GSDMB: variants seen among roughly 807,000 people sequenced by gnomAD.
GSDMB encodes the protein gasdermin B, also known as gasdermin-B.
GSDMB carries 32 observed loss-of-function variants against 42.9 expected under a neutral mutation model. The observed-to-expected ratio is 0.75, with a 90% confidence interval of 0.56 to 1.00. The LOEUF is 1.00. Ranked by LOEUF, GSDMB falls within the 50% of genes least tolerant of loss-of-function variation. GSDMB has a pLI of 0.00. For synonymous variants in GSDMB, 175 were observed against 193.7 expected (o/e 0.90, Z 0.80); for missense variants, 468 against 498.5 (o/e 0.94, Z 0.58).
chr17:39,912,348 A>G lies in GSDMB; in HGVS notation c.385T>C (p.Tyr129His). The G allele has an allele frequency of 6.2e-7, 1 of 1,613,940 alleles. No homozygotes were observed. Among genetic ancestry groups the G allele is most frequent in the African/African-American group, 1.3e-5 (1 of 74,998 alleles). The change falls in exon 3 of 11, where the codon TAT becomes CAT. Residue 129 changes from tyrosine (Y) to histidine (H), a missense_variant. Physicochemically the swap from Tyr to His is moderately conservative, Grantham distance 83. Coordinates refer to ENST00000418519, the MANE Select transcript of GSDMB (RefSeq NM_001165958.2). Reference protein sequence around the residue: ...KISENRISQQYLATLENRKLK... With the variant: ...KISENRISQQHLATLENRKLK... ...CACCTGTTTTCAAGGGTAGCCAGAT[A>G]CTGCTGGGATATCCGGTTCTCCGAT...
intron 1 of GSDMB, 45 bp from the exon 2 acceptor site, chr17:39,917,375 G>T: frequency 8.8e-7 from 1 of 1,130,718 alleles, no homozygotes; most frequent in Non-Finnish European, 1.3e-6. Flanking sequence ...GAGGGTATTG[G>T]TTCAAGTATT....
At position 39,912,357 on chromosome 17, in the gene GSDMB, A is replaced by G. The variant is rs754984071; in HGVS notation, c.376T>C (p.Ser126Pro). ...QKIKISENRI[S>P]QQYLATLENR... Reference sequence around the variant, plus strand: ...TCAAGGGTAGCCAGATACTGCTGGGATATCCGGTTCTCCGATATCTTGATT... The same window carrying G: ...TCAAGGGTAGCCAGATACTGCTGGGGTATCCGGTTCTCCGATATCTTGATT... The change falls in exon 3 of 11, where the codon TCC (serine) becomes CCC (proline). Residue 126 changes from serine to proline, a missense_variant. Coordinates refer to ENST00000418519, the MANE Select transcript of GSDMB (RefSeq NM_001165958.2). The G allele has an allele frequency of 1.9e-6, 3 of 1,614,044 alleles. No homozygotes were observed. The highest frequency in any genetic ancestry group is 2.5e-6 in the Non-Finnish European group (3 of 1,179,986).
chr17:39,905,733 C>T (rs894272198), intron 9 of GSDMB, 114 bp downstream of exon 9: 8 of 1,188,468 alleles, frequency 6.7e-6, no homozygotes, highest in East Asian at 4.7e-5. Flanking sequence ...TGAAGGAGTG[C>T]CCCCCATAAA....
chr17:39,904,769 A>G lies in GSDMB; in HGVS notation c.*43T>C. The G allele has an allele frequency of 6.3e-7, 1 of 1,586,480 alleles. No individual in the cohort carries two copies. Among genetic ancestry groups the G allele is most frequent in the Non-Finnish European group, 8.6e-7 (1 of 1,158,510 alleles). On this transcript the variant is annotated 3_prime_UTR_variant, in exon 11 of 11. Coordinates refer to ENST00000418519, the MANE Select transcript of GSDMB (RefSeq NM_001165958.2). ...CGATGGCAGTGAGGACAGACTGGTA[A>G]AGGGAAAACCCAGAGGCTTGTGGGG...
intron 3 of GSDMB, among the ~76,000 whole-genome samples, chr17:39,911,041 C>T (rs906169131): frequency 3.3e-5 from 5 of 152,106 alleles, no homozygotes; most frequent in African/African-American, 9.7e-5. Flanking sequence ...GTGGCTCACA[C>T]CTGTAATCCC....
chr17:39,918,352 C>G (rs1325910346), intron 1 of GSDMB, 182 bp downstream of exon 1: 1 of 152,348 alleles, frequency 6.6e-6, no homozygotes, highest in Non-Finnish European at 1.5e-5. Context: ...CCCCATCCTA[C>G]CTTTGGCCAC....
At chr17:39,909,677 T>C (rs1459174082) in intron 4 of GSDMB, 79 bp downstream of exon 4, 86 of 1,291,946 alleles carry the variant, frequency 6.7e-5, no homozygotes, top group Non-Finnish European at 6.6e-6. Context: ...GAAGGAAGAG[T>C]CTAAGGCTGG....
At position 39,905,471 on chromosome 17, in the gene GSDMB, C is replaced by T. The variant is rs774161528; in HGVS notation, c.1053G>A (p.Val351=). The change falls in exon 10 of 11, where the codon GTG becomes GTA. Residue 351 remains valine, a synonymous_variant. Transcript: ENST00000418519. ...GGGTCCCCTTCTCCAGGGCCTCAGC[C>T]ACAAACTGCTGCTCTTCAGACAGCT... The part of the protein sequence containing the change: ...LLELSEEQQF[V]AEALEKGTLP... 5 of 1,610,130 alleles carry T rather than the reference C, an allele frequency of 3.1e-6. No homozygotes were observed. The highest frequency in any genetic ancestry group is 4.2e-6 in the Non-Finnish European group (5 of 1,178,328).
At chr17:39,909,079 G>T in intron 4 of GSDMB, 37 bp from the exon 5 acceptor site, 2 of 1,206,312 alleles carry the variant, frequency 1.7e-6, no homozygotes, top group Non-Finnish European at 2.4e-6. Context: ...ATCCCCAGGT[G>T]TTTCTACATC....
intron 6 of GSDMB, 27 bp from the exon 7 acceptor site, chr17:39,907,014 G>GA (rs759811868): frequency 8.7e-6 from 14 of 1,613,590 alleles, no homozygotes; most frequent in Non-Finnish European, 1.2e-5. Context: ...AGTTATTTCA[G>GA]AATCTTCAGA....
rs866308765 is a variant in GSDMB at position 39,905,966 on chromosome 17, G to A, written c.908C>T (p.Ser303Phe). Residue 303 changes from serine to phenylalanine, a missense_variant, in exon 9 of 11, where the codon TCC becomes TTC. Physicochemically the swap from Ser to Phe is radical, Grantham distance 155. Transcript: ENST00000418519. ...LEQRVSEVLI[S>F]GELHMEDPDK... ...TGGGTCCTCCATGTGTAGCTCCCCG[G>A]AAATCAGGACCTCAGATACCTAGGG... is the stretch of plus-strand genomic sequence containing the variant. 6.2e-7 allele frequency: 1 copy of A among 1,613,832 alleles called. No individual in the cohort carries two copies. Among genetic ancestry groups the A allele is most frequent in the Non-Finnish European group, 8.5e-7 (1 of 1,179,890 alleles).
chr17:39,905,707 T>C, intron 9 of GSDMB, 140 bp downstream of exon 9: 1 of 1,042,148 alleles, frequency 9.6e-7, no homozygotes, highest in Non-Finnish European at 1.4e-6. Flanking sequence ...CCTCAATGCC[T>C]GGCCTGAGGA....
intron 10 of GSDMB, 69 bp from the exon 11 acceptor site, chr17:39,905,033 C>A: frequency 7.5e-7 from 1 of 1,331,660 alleles, no homozygotes. Context: ...AATATTTGGC[C>A]ACACTCCTTG....
chr17:39,909,690 T>C, intron 4 of GSDMB, 66 bp downstream of exon 4: 3 of 1,399,892 alleles, frequency 2.1e-6, no homozygotes, highest in Non-Finnish European at 3.0e-6. Flanking sequence ...AAGGCTGGCA[T>C]CGCCTTGACC....
intron 2 of GSDMB, among the ~76,000 whole-genome samples, chr17:39,916,049 C>T (rs2063703473): frequency 6.6e-6 from 1 of 152,080 alleles, no homozygotes; most frequent in Non-Finnish European, 1.5e-5. Flanking sequence ...AACCCAAGTA[C>T]CCCAGGAATA....
In GSDMB at chr17:39,909,022, G is replaced by C; in HGVS notation, c.597C>G (p.Ile199Met). ...YKHKGQREVT[I>M]PPNRVLSYRV... ...GATAGCTCAGGACCCGATTTGGGGG[G>C]ATGGTCACTTCCCTTTGGCCCTAGA... is the stretch of plus-strand genomic sequence containing the variant. The change falls in exon 5 of 11, where the codon ATC (isoleucine) becomes ATG (methionine). Residue 199 changes from isoleucine (I) to methionine (M), a missense_variant. Coordinates refer to ENST00000418519, the MANE Select transcript of GSDMB (RefSeq NM_001165958.2). 6.2e-7 allele frequency: 1 copy of C among 1,600,786 alleles called. No individual in the cohort carries two copies. Among genetic ancestry groups the C allele is most frequent in the African/African-American group, 1.3e-5 (1 of 74,290 alleles).
chr17:39,907,060 G>A, intron 6 of GSDMB, 73 bp from the exon 7 acceptor site: 1 of 1,608,448 alleles, frequency 6.2e-7, no homozygotes, highest in Non-Finnish European at 8.5e-7. Flanking sequence ...TCTTCCCAGT[G>A]ATGGAAGTTT....
At chr17:39,907,198 T>G in intron 6 of GSDMB, 1 of 1,370,626 alleles carries the variant, frequency 7.3e-7, no homozygotes, top group South Asian at 1.7e-5. Flanking sequence ...GTCATAGGAC[T>G]GTGCCTAGAT....
chr17:39,909,146 T>A (rs781380583), intron 4 of GSDMB, 104 bp from the exon 5 acceptor site: 4 of 687,554 alleles, frequency 5.8e-6, no homozygotes, highest in Non-Finnish European at 1.0e-5. Flanking sequence ...TATCCCCATT[T>A]TATAGACGAG....
Sources: allele counts gnomAD v4.1 joint callset (sites outside exome capture counted in the v4.1 genomes callset), GRCh38; gene constraint gnomAD v4.1.1; transcripts MANE v1.5; gene names NCBI Gene and HGNC (gene_info 2026-07-23, HGNC 2026-07-21).